The following RBFOX3 variants were observed in gnomAD, a reference collection of about 807,000 sequenced individuals.
The protein encoded by RBFOX3 is RNA binding fox-1 homolog 3.
RBFOX3 carries 17 observed loss-of-function variants against 48.7 expected under a neutral mutation model. That is an observed-to-expected ratio of 0.35 (90% CI 0.24 to 0.52). The LOEUF (loss-of-function observed/expected upper bound fraction) is 0.52, where lower values mean the gene tolerates loss of function less well. Among genes scored for constraint, RBFOX3 ranks in the 20% least tolerant of loss-of-function variants. The pLI, the probability that RBFOX3 is intolerant of heterozygous loss-of-function variation, is 0.94. For synonymous variants in RBFOX3, 212 were observed against 209.5 expected, an observed-to-expected ratio of 1.01 and a Z score of -0.10; for missense variants, 382 against 497.5, an observed-to-expected ratio of 0.77 and a Z score of 2.21.
intron 2 of RBFOX3, among the ~76,000 whole-genome samples, chr17:79,365,956 T>C (rs2057685583): frequency 6.6e-6 from 1 of 152,206 alleles, no homozygotes; most frequent in Admixed American, 6.5e-5. Flanking sequence ...GCCATCAGCG[T>C]CATGACCACG....
At chr17:79,440,499 C>T (rs1002297488) in intron 2 of RBFOX3, among the ~76,000 whole-genome samples, 7 of 152,154 alleles carry the variant, frequency 4.6e-5, no homozygotes, top group Non-Finnish European at 2.9e-5. Flanking sequence ...GAGCCGAAGC[C>T]GGTGACCACA....
the RBFOX3 span, among the ~76,000 whole-genome samples, chr17:79,647,060 CGTGT>C: frequency 3.2e-4 from 48 of 149,200 alleles, no homozygotes; most frequent in Non-Finnish European, 4.8e-4. Flanking sequence ...TTTTCACTGC[CGTGT>C]GTGTGTGTGT....
intron 1 of RBFOX3, among the ~76,000 whole-genome samples, chr17:79,485,160 C>T (rs914591627): frequency 2.0e-5 from 3 of 152,090 alleles, no homozygotes; most frequent in Non-Finnish European, 2.9e-5. Flanking sequence ...GGCTGTCTGC[C>T]GGGGCTCTCA....
intron 2 of RBFOX3, among the ~76,000 whole-genome samples, chr17:79,436,376 G>C (rs2069454850): frequency 1.3e-5 from 2 of 152,262 alleles, no homozygotes; most frequent in African/African-American, 4.8e-5. Context: ...CATGGCCCCG[G>C]GTGCACCTAA....
At chr17:79,288,218 C>T (rs1033081501) in intron 3 of RBFOX3, among the ~76,000 whole-genome samples, 2 of 152,208 alleles carry the variant, frequency 1.3e-5, no homozygotes, top group African/African-American at 4.8e-5. Flanking sequence ...CGTCCCCTCT[C>T]GGGGCCAGGG....
chr17:79,548,238 C>T (rs1555792565), intron 1 of RBFOX3, among the ~76,000 whole-genome samples: 1 of 152,178 alleles, frequency 6.6e-6, no homozygotes, highest in African/African-American at 2.4e-5. Flanking sequence ...CCCAGGAGGG[C>T]CCAGCCTGGC....
At chr17:79,373,108 AG>A (rs1326215403) in intron 2 of RBFOX3, among the ~76,000 whole-genome samples, 8 of 152,188 alleles carry the variant, frequency 5.3e-5, no homozygotes, top group African/African-American at 1.9e-4. Context: ...TTGCAGAGAC[AG>A]GGGTGACGGC....
At chr17:79,581,214 C>CTCCA (rs2093047236) in intron 1 of RBFOX3, among the ~76,000 whole-genome samples, 1 of 152,154 alleles carries the variant, frequency 6.6e-6, no homozygotes. Flanking sequence ...TGCCACTGCA[C>CTCCA]TCCAGCCTGG....
intron 3 of RBFOX3, among the ~76,000 whole-genome samples, chr17:79,261,211 C>T (rs1248796040): frequency 6.6e-6 from 1 of 152,120 alleles, no homozygotes; most frequent in East Asian, 1.9e-4. Context: ...AATGTAAGCA[C>T]AACAAGAGAT....
intron 1 of RBFOX3, among the ~76,000 whole-genome samples, chr17:79,502,856 G>C (rs1215027537): frequency 6.6e-6 from 1 of 152,190 alleles, no homozygotes; most frequent in Admixed American, 6.5e-5. Flanking sequence ...CAAGGAGGGG[G>C]ACCCTGCCGC....
chr17:79,281,573 G>T (rs2070525406), intron 3 of RBFOX3, among the ~76,000 whole-genome samples: 1 of 152,218 alleles, frequency 6.6e-6, no homozygotes, highest in African/African-American at 2.4e-5. Flanking sequence ...CTGCAGGCTT[G>T]TGGGGTGAGC....
intron 14 of RBFOX3, among the ~76,000 whole-genome samples, chr17:79,093,141 G>T (rs1330603217): frequency 2.0e-5 from 3 of 151,686 alleles, no homozygotes; most frequent in African/African-American, 7.3e-5. Flanking sequence ...CTTGCTCTCT[G>T]GGGGGGTCTC....
intron 1 of RBFOX3, among the ~76,000 whole-genome samples, chr17:79,581,536 T>C (rs900719646): frequency 1.3e-5 from 2 of 152,350 alleles, no homozygotes; most frequent in Admixed American, 1.3e-4. Context: ...ACGTGAATCA[T>C]GGCAACAGAA....
chr17:79,627,626 T>A, the RBFOX3 span, among the ~76,000 whole-genome samples: 2 of 152,208 alleles, frequency 1.3e-5, no homozygotes, highest in Non-Finnish European at 2.9e-5. Flanking sequence ...AGCAGCCTGG[T>A]GCCTTCTGCA....
intron 4 of RBFOX3, among the ~76,000 whole-genome samples, chr17:79,138,162 G>A (rs1277451716): frequency 2.0e-5 from 3 of 152,108 alleles, no homozygotes; most frequent in African/African-American, 7.2e-5. Context: ...CCGAGCCTGC[G>A]AGGCACACTC....
In RBFOX3 at chr17:79,418,970, C is replaced by T. The variant is rs1555720574; in HGVS notation, c.-175+63484G>A. 6.6e-6 allele frequency among the ~76,000 whole-genome samples: 1 copy of T among 152,166 alleles called. No individual in the cohort carries two copies. The highest frequency in any genetic ancestry group is 2.4e-5 in the African/African-American group (1 of 41,438). On this transcript the variant is annotated intron_variant, in intron 2 of 14. Coordinates refer to ENST00000693108, the MANE Select transcript of RBFOX3 (RefSeq NM_001350451.2). The surrounding 1 kb of genome is among the most constrained non-coding windows in gnomAD (Gnocchi z 5.0). ...TAGACAAATAGATTTTACAAGCCCT[C>T]AGTTAAATGTGGATAATTACGTCTG...
chr17:79,583,393 C>T (rs1308332485), intron 1 of RBFOX3, among the ~76,000 whole-genome samples: 3 of 152,222 alleles, frequency 2.0e-5, no homozygotes, highest in South Asian at 4.1e-4. Flanking sequence ...GGGCCCCTGA[C>T]CTTACAGAAG....
chr17:79,094,573 G>A (rs1327429626), intron 13 of RBFOX3, 44 bp from the exon 14 acceptor site: 2 of 764,044 alleles, frequency 2.6e-6, no homozygotes, highest in Non-Finnish European at 1.9e-6. Flanking sequence ...GGGTGGGGGA[G>A]GGGGGCAGGT....
At chr17:79,224,202 C>A (rs1367196645) in intron 4 of RBFOX3, among the ~76,000 whole-genome samples, 1 of 151,866 alleles carries the variant, frequency 6.6e-6, no homozygotes, top group Non-Finnish European at 1.5e-5. Flanking sequence ...AGCCTCCCCA[C>A]CGCAGATGCC....
Sources: allele counts gnomAD v4.1 joint callset (sites outside exome capture counted in the v4.1 genomes callset), GRCh38; gene constraint gnomAD v4.1.1; non-coding constraint Gnocchi (gnomAD v3.1); transcripts MANE v1.5; gene names NCBI Gene and HGNC (gene_info 2026-07-23, HGNC 2026-07-21).